Variants in PTPRT observed in about 807,000 individuals in gnomAD.
The protein encoded by PTPRT is receptor-type tyrosine-protein phosphatase T.
PTPRT carries 56 observed loss-of-function variants against 176.8 expected under a neutral mutation model. The observed-to-expected ratio is 0.32, with a 90% CI of 0.26 to 0.40. The LOEUF is 0.40. Among genes scored for constraint, PTPRT ranks in the 10% least tolerant of loss-of-function variants. The probability of loss-of-function intolerance (pLI) is 1.00; values close to 1 mark genes in which losing one functional copy is unlikely to be tolerated. For missense variants in PTPRT, 1,540 were observed against 1,908.2 expected (o/e 0.81, Z 3.60); for synonymous variants, 783 against 739.0 (o/e 1.06, Z -0.96).
At chr20:42,605,335 C>T (rs571559224) in intron 7 of PTPRT, among the ~76,000 whole-genome samples, 219 of 134,282 alleles carry the variant, frequency 1.6e-3, no homozygotes, top group African/African-American at 7.6e-3. Flanking sequence ...ATTCAAAAGC[C>T]AAGGGGGGCC....
At chr20:43,188,527 C>T (rs1403682233) in intron 1 of PTPRT, among the ~76,000 whole-genome samples, 2 of 152,124 alleles carry the variant, frequency 1.3e-5, no homozygotes. Context: ...TCTTCCTTTC[C>T]TTCTTTCGGT....
At chr20:42,917,039 G>A (rs901353644) in intron 1 of PTPRT, among the ~76,000 whole-genome samples, 31 of 152,142 alleles carry the variant, frequency 2.0e-4, no homozygotes, top group Non-Finnish European at 3.4e-4. Context: ...CCTTGCCCAT[G>A]CCTATATCCT....
chr20:42,505,477 T>G (rs748461032), intron 7 of PTPRT, among the ~76,000 whole-genome samples: 1 of 152,052 alleles, frequency 6.6e-6, no homozygotes, highest in Non-Finnish European at 1.5e-5. Context: ...AATTTTTGTA[T>G]TTTTAGTAGA....
At chr20:42,803,485 G>C (rs2077560330) in intron 2 of PTPRT, among the ~76,000 whole-genome samples, 1 of 152,232 alleles carries the variant, frequency 6.6e-6, no homozygotes, top group Admixed American at 6.5e-5. Context: ...CCCAAGAAGG[G>C]ACAGGACAGG....
intron 6 of PTPRT, among the ~76,000 whole-genome samples, chr20:42,752,329 T>G (rs1198187114): frequency 6.6e-6 from 1 of 152,236 alleles, no homozygotes; most frequent in African/African-American, 2.4e-5. Context: ...CATGTCATCC[T>G]CATGACGCCT....
chr20:42,211,294 A>T (rs1246728342), intron 15 of PTPRT, among the ~76,000 whole-genome samples: 16 of 148,242 alleles, frequency 1.1e-4, no homozygotes, highest in South Asian at 8.7e-4. Context: ...AAATTGACAA[A>T]TGGGATCTAA....
intron 7 of PTPRT, among the ~76,000 whole-genome samples, chr20:42,506,488 T>C (rs1361963669): frequency 1.3e-5 from 2 of 152,180 alleles, no homozygotes; most frequent in African/African-American, 4.8e-5. Context: ...TCCTCCTATC[T>C]TCTCTTTTTT....
chr20:42,840,280 T>G (rs1485102798), intron 2 of PTPRT, among the ~76,000 whole-genome samples: 1 of 152,230 alleles, frequency 6.6e-6, no homozygotes, highest in Non-Finnish European at 1.5e-5. Context: ...GCAAAGATAC[T>G]GATTGGGGCC....
intron 2 of PTPRT, among the ~76,000 whole-genome samples, chr20:42,884,854 G>A (rs1036988168): frequency 6.6e-6 from 1 of 152,096 alleles, no homozygotes; most frequent in African/African-American, 2.4e-5. Context: ...TCAGAAAAGT[G>A]AGCTTCACTT....
At chr20:42,565,483 C>G (rs1230618128) in intron 7 of PTPRT, among the ~76,000 whole-genome samples, 1 of 151,900 alleles carries the variant, frequency 6.6e-6, no homozygotes. Context: ...TGTGACTGAG[C>G]CTCTGGGCAC....
At chr20:42,519,317 G>A (rs1020365275) in intron 7 of PTPRT, among the ~76,000 whole-genome samples, 3 of 152,076 alleles carry the variant, frequency 2.0e-5, no homozygotes, top group African/African-American at 7.2e-5. Flanking sequence ...TTGTATTGCT[G>A]AGTAGTAATC....
chr20:42,768,518 T>C (rs2077017423), intron 5 of PTPRT, among the ~76,000 whole-genome samples: 1 of 151,088 alleles, frequency 6.6e-6, no homozygotes, highest in Non-Finnish European at 1.5e-5. Context: ...TCCTGAGCAA[T>C]TGGTTTTTGT....
chr20:42,776,471 C>T (rs2077137198), intron 4 of PTPRT, among the ~76,000 whole-genome samples: 1 of 152,128 alleles, frequency 6.6e-6, no homozygotes, highest in South Asian at 2.1e-4. Flanking sequence ...ATTGTAAGTA[C>T]AGAGGAATGA....
chr20:42,798,455 T>C (rs2077483060), intron 2 of PTPRT, among the ~76,000 whole-genome samples: 2 of 152,094 alleles, frequency 1.3e-5, no homozygotes, highest in South Asian at 4.1e-4. Flanking sequence ...ATCAAGCCAA[T>C]TGCAAACATA....
chr20:42,068,021 G>A (rs116161532), downstream of PTPRT, among the ~76,000 whole-genome samples: 619 of 152,270 alleles, frequency 4.1e-3, 2 homozygotes, highest in African/African-American at 0.014. Context: ...CTTGTTCTGG[G>A]ACCATTTGAA....
At chr20:43,032,668 C>T (rs906297382) in intron 1 of PTPRT, among the ~76,000 whole-genome samples, 2 of 152,056 alleles carry the variant, frequency 1.3e-5, no homozygotes, top group Admixed American at 6.5e-5. Context: ...CTTAGCCCCC[C>T]GCAGAGCGTC....
At chr20:42,992,706 T>C (rs1272539837) in intron 1 of PTPRT, among the ~76,000 whole-genome samples, 1 of 152,208 alleles carries the variant, frequency 6.6e-6, no homozygotes, top group Non-Finnish European at 1.5e-5. Context: ...TTTAAAATGA[T>C]CTCAATCATT....
intron 2 of PTPRT, among the ~76,000 whole-genome samples, chr20:42,864,985 T>A (rs2145804521): frequency 6.6e-6 from 1 of 152,328 alleles, no homozygotes; most frequent in Non-Finnish European, 1.5e-5. Context: ...AAAATAAGAT[T>A]TATTTTCCAG....
At chr20:42,325,948 G>T (rs193219899) in intron 11 of PTPRT, among the ~76,000 whole-genome samples, 14 of 152,192 alleles carry the variant, frequency 9.2e-5, no homozygotes, top group African/African-American at 3.1e-4. Context: ...TCCTTGAATG[G>T]TCTTCCCTTG....
Sources: gnomAD v4.1 joint callset for allele counts (sites outside exome capture counted in the v4.1 genomes callset) on GRCh38, gnomAD v4.1.1 for gene constraint, MANE v1.5 for transcripts, NCBI Gene and HGNC (gene_info 2026-07-23, HGNC 2026-07-21) for gene names.